Variants in WDR6 observed in about 807,000 individuals in gnomAD.
The protein encoded by WDR6 is WD repeat domain 6, also known as tRNA (34-2'-O)-methyltransferase regulator WDR6.
Under a neutral mutation model 85.6 loss-of-function variants are expected in WDR6, and 58 were observed. The ratio of observed to expected loss-of-function variants is 0.68; its 90% CI spans 0.55 to 0.84. The LOEUF is 0.84. WDR6 is among the 40% of genes least tolerant of loss of function. WDR6 has a pLI of 0.00. For missense variants in WDR6, 1,310 were observed against 1,476.4 expected (o/e 0.89, Z 1.85); for synonymous variants, 569 against 582.2 (o/e 0.98, Z 0.33).
rs141662298 is a variant in WDR6, at chr3:49,015,006, G to A, written c.3084G>A (p.Leu1028=). The stretch of plus-strand genomic sequence containing the variant: ...AAGAGGCTGTGGGAGAGGCTGGGCT[G>A]GTACCCCAGCTGCGTGTGCTAGAGG... ...QLEEAVGEAG[L]VPQLRVLEEY... is the part of the protein sequence containing the mutation. The change falls in exon 6 of 6, where the codon CTG becomes CTA. Residue 1028 remains leucine, a synonymous_variant. Coordinates refer to ENST00000608424, the MANE Select transcript of WDR6 (RefSeq NM_018031.6). 5.9e-5 allele frequency: 95 copies of A among 1,614,030 alleles called. No homozygotes were observed. Among genetic ancestry groups the A allele is most frequent in the Non-Finnish European group, 7.7e-5 (91 of 1,180,016 alleles).
In WDR6 at chr3:49,013,419, A is replaced by T; in HGVS notation, c.1885A>T (p.Ile629Phe). Residue 629 changes from isoleucine to phenylalanine, a missense_variant, in exon 2 of 6, where the codon ATC (isoleucine) becomes TTC (phenylalanine). By Grantham distance (21) the Ile-to-Phe change is conservative. Coordinates refer to ENST00000608424, the MANE Select transcript of WDR6 (RefSeq NM_018031.6). The surrounding 1 kb of genome is among the most constrained non-coding windows in gnomAD (Gnocchi z 4.6). ...LRIVPDGSMV[I>F]LGFHANEFVV... Reference sequence around the variant, plus strand: ...TATAGTGCCCGATGGGAGCATGGTTATCCTGGGTTTCCATGCCAATGAGTT... The same window carrying T: ...TATAGTGCCCGATGGGAGCATGGTTTTCCTGGGTTTCCATGCCAATGAGTT... 1 of 1,614,192 alleles carries T rather than the reference A, an allele frequency of 6.2e-7. No homozygotes were observed.
chr3:49,011,073 G>A (rs2093011644), intron 1 of WDR6: 1 of 443,058 alleles, frequency 2.3e-6, no homozygotes. Context: ...AAGTCCAGCT[G>A]AAGCTGAGAC....
chr3:49,014,433 C>A lies in WDR6; in HGVS notation c.2717C>A (p.Thr906Asn). The A allele has an allele frequency of 6.2e-7, 1 of 1,614,130 alleles. No individual in the cohort carries two copies. The highest frequency in any genetic ancestry group is 8.5e-7 in the Non-Finnish European group (1 of 1,180,016). The change falls in exon 4 of 6, where the codon ACC becomes AAC. Residue 906 changes from threonine to asparagine, a missense_variant. Transcript: ENST00000608424. This position sits in a 1 kb window ranked among gnomAD's most constrained non-coding sequence, Gnocchi z 4.9. Reference sequence around the variant, plus strand: ...CGGATTCTGCAGCTCCTTGCTGAAACCTTCCACCATAAGCGATGTGTCCTC... The same window carrying A: ...CGGATTCTGCAGCTCCTTGCTGAAAACTTCCACCATAAGCGATGTGTCCTC... ...SGRILQLLAE[T>N]FHHKRCVLKV... is the part of the protein sequence containing the mutation.
chr3:49,013,274 C>T lies in WDR6; in HGVS notation c.1740C>T (p.Gly580=), dbSNP rs2093028232. 1 of 1,614,082 alleles carries T rather than the reference C, an allele frequency of 6.2e-7. No individual in the cohort carries two copies. The highest frequency in any genetic ancestry group is 1.1e-5 in the South Asian group (1 of 91,082). Residue 580 remains glycine, a synonymous_variant, in exon 2 of 6, where the codon GGC becomes GGT. Transcript: ENST00000608424. The surrounding 1 kb of genome is among the most constrained non-coding windows in gnomAD (Gnocchi z 4.6). ...TGACCTCAGTCACATGCCATGGTGG[C>T]TATGTGTATACCACAGGGCGTGATG... ...QGVTSVTCHG[G]YVYTTGRDGA...
Position 49,012,707 on chromosome 3 carries a change from G to A in WDR6, c.1173G>A (p.Gln391=). 6.2e-7 allele frequency: 1 copy of A among 1,613,996 alleles called. No individual in the cohort carries two copies. Among genetic ancestry groups the A allele is most frequent in the South Asian group, 1.1e-5 (1 of 91,082 alleles). The stretch of plus-strand genomic sequence containing the variant: ...AGCTGCTAGAGGATAAACATTTCCA[G>A]TCCTACTGCCTGCTGGAGGCAGCTC... The part of the protein sequence containing the change: ...WEQLLEDKHF[Q]SYCLLEAAPG... The change falls in exon 2 of 6, where the codon CAG becomes CAA. Residue 391 remains glutamine (Q), a synonymous_variant. Coordinates refer to ENST00000608424, the MANE Select transcript of WDR6 (RefSeq NM_018031.6). The surrounding 1 kb of genome is among the most constrained non-coding windows in gnomAD (Gnocchi z 4.4).
At position 49,011,835 on chromosome 3, in the gene WDR6, C is replaced by G; in HGVS notation, c.301C>G (p.Gln101Glu). ...GLRVVKISWG[Q>E]GHFWELWRSG... is the part of the protein sequence containing the mutation. ...CCGAGTTGTGAAAATTAGCTGGGGA[C>G]AGGGCCACTTCTGGGAGCTTTGGCG... Residue 101 changes from glutamine to glutamate, a missense_variant, in exon 2 of 6, where the codon CAG becomes GAG. Gln to Glu is a conservative substitution (Grantham distance 29). Transcript: ENST00000608424. 6.2e-7 allele frequency: 1 copy of G among 1,614,222 alleles called. No homozygotes were observed. Among genetic ancestry groups the G allele is most frequent in the Non-Finnish European group, 8.5e-7 (1 of 1,180,044 alleles).
chr3:49,012,902 G>A lies in WDR6; in HGVS notation c.1368G>A (p.Ser456=), dbSNP rs141617532. The A allele has an allele frequency of 5.0e-5, 81 of 1,613,574 alleles. No homozygotes were observed. The highest frequency in any genetic ancestry group is 1.7e-4 in the African/African-American group (13 of 74,842). ...RGYEELLLLA[S]GPGGVVACLE... ...ATGAGGAGCTCCTGTTGCTGGCATC[G>A]GGCCCTGGCGGGGTAGTAGCTTGCC... Residue 456 remains serine, a synonymous_variant, in exon 2 of 6, where the codon TCG becomes TCA. Coordinates refer to ENST00000608424, the MANE Select transcript of WDR6 (RefSeq NM_018031.6). This position sits in a 1 kb window ranked among gnomAD's most constrained non-coding sequence, Gnocchi z 4.4.
rs769549624 is a variant in WDR6 at position 49,012,126 on chromosome 3, C to T, written c.592C>T (p.Pro198Ser). 2.5e-6 allele frequency: 4 copies of T among 1,614,162 alleles called. No homozygotes were observed. The East Asian group carries it at 6.7e-5, about 27-fold the overall frequency. ...YPATALADNK[P>S]VAPDRRISGH... is the part of the protein sequence containing the mutation. Reference sequence around the variant, plus strand: ...AGCAACTGCCTTAGCAGACAACAAACCTGTAGCACCTGACCGACGAATCAG... The same window carrying T: ...AGCAACTGCCTTAGCAGACAACAAATCTGTAGCACCTGACCGACGAATCAG... The change falls in exon 2 of 6, where the codon CCT (proline) becomes TCT (serine). Residue 198 changes from proline to serine, a missense_variant. Transcript: ENST00000608424. The surrounding 1 kb of genome is among the most constrained non-coding windows in gnomAD (Gnocchi z 4.4).
In WDR6 at chr3:49,015,863, A is replaced by G; in HGVS notation, c.*575A>G. On this transcript the variant is annotated 3_prime_UTR_variant, in exon 6 of 6. Transcript: ENST00000608424. ...AAATCCATGCTGAGCTGTACCAGGAACTTGCATATCTAGAGACAGAGACTG... is the reference window on the plus strand; with the variant it reads ...AAATCCATGCTGAGCTGTACCAGGAGCTTGCATATCTAGAGACAGAGACTG... 6.2e-7 allele frequency: 1 copy of G among 1,614,156 alleles called. No homozygotes were observed. Among genetic ancestry groups the G allele is most frequent in the Non-Finnish European group, 8.5e-7 (1 of 1,180,038 alleles).
Position 49,015,249 on chromosome 3 carries a change from T to C in WDR6, c.3327T>C (p.Leu1109=), listed in dbSNP as rs1412476671. 5.0e-6 allele frequency: 8 copies of C among 1,612,870 alleles called. No homozygotes were observed. The highest frequency in any genetic ancestry group is 1.7e-5 in the Admixed American group (1 of 60,004). Residue 1109 remains leucine, a synonymous_variant, in exon 6 of 6, where the codon CTT becomes CTC. Transcript: ENST00000608424. The stretch of plus-strand genomic sequence containing the variant: ...CTGAGTTTGGCCACCGTTGTGCCCT[T>C]GGGGGTCAGGGGCTTGAGGTTTACA... ...VSPEFGHRCA[L]GGQGLEVYNW...
In WDR6 at chr3:49,014,425, T is replaced by G. The variant is rs569325706; in HGVS notation, c.2709T>G (p.Leu903=). Residue 903 remains leucine (L), a synonymous_variant, in exon 4 of 6, where the codon CTT becomes CTG. Coordinates refer to ENST00000608424, the MANE Select transcript of WDR6 (RefSeq NM_018031.6). This position sits in a 1 kb window ranked among gnomAD's most constrained non-coding sequence, Gnocchi z 4.9. ...ATTCTGGGCGGATTCTGCAGCTCCT[T>G]GCTGAAACCTTCCACCATAAGCGAT... ...LQDSGRILQL[L]AETFHHKRCV... 63 of 1,614,140 alleles carry G rather than the reference T, an allele frequency of 3.9e-5. No homozygotes were observed. The African/African-American group carries it at 7.7e-4, about 20-fold the overall frequency.
At position 49,014,719 on chromosome 3, in the gene WDR6, G is replaced by A. The variant is rs1338312665; in HGVS notation, c.2902+1G>A. On this transcript the variant is annotated splice_donor_variant, in intron 5 of 5. Transcript: ENST00000608424. LOFTEE classifies it high-confidence loss of function. This position sits in a 1 kb window ranked among gnomAD's most constrained non-coding sequence, Gnocchi z 4.9. Reference sequence around the variant, plus strand: ...CCAGTGGATCCTGGGCTTCCCTACCGTGAGTAGCTAATGTGCAACCATGGC... The same window carrying A: ...CCAGTGGATCCTGGGCTTCCCTACCATGAGTAGCTAATGTGCAACCATGGC... 4 of 1,612,752 alleles carry A rather than the reference G, an allele frequency of 2.5e-6. No homozygotes were observed. Among genetic ancestry groups the A allele is most frequent in the Non-Finnish European group, 2.5e-6 (3 of 1,179,744 alleles).
chr3:49,008,693 G>C (rs969493706), intron 1 of WDR6, among the ~76,000 whole-genome samples: 2 of 152,150 alleles, frequency 1.3e-5, no homozygotes, highest in African/African-American at 2.4e-5. Context: ...GCGAGCAGAG[G>C]CCACATTGTT....
Position 49,014,056 on chromosome 3 carries a change from A to T in WDR6, c.2522A>T (p.Asp841Val). The part of the protein sequence containing the change: ...HVMHLSSHRL[D>V]EYWDRQRNRH... ...ATGCACCTTTCGTCCCACCGGCTAGATGAGTATTGGGACCGGCAACGCAAT... is the reference window on the plus strand; with the variant it reads ...ATGCACCTTTCGTCCCACCGGCTAGTTGAGTATTGGGACCGGCAACGCAAT... The change falls in exon 2 of 6, where the codon GAT (aspartate) becomes GTT (valine). Residue 841 changes from aspartate to valine, a missense_variant. Physicochemically the swap from Asp to Val is radical, Grantham distance 152 (BLOSUM62 -3). Transcript: ENST00000608424. This position sits in a 1 kb window ranked among gnomAD's most constrained non-coding sequence, Gnocchi z 4.9. The T allele has an allele frequency of 6.2e-7, 1 of 1,613,022 alleles. No individual in the cohort carries two copies. Among genetic ancestry groups the T allele is most frequent in the Non-Finnish European group, 8.5e-7 (1 of 1,180,006 alleles).
chr3:49,013,334 G>A lies in WDR6; in HGVS notation c.1800G>A (p.Gln600=). ...ACCAGCTGTTTGTACGAGACGGCCAGCTCCAGCCAGTCCTAAGGCAGAAGT... is the reference window on the plus strand; with the variant it reads ...ACCAGCTGTTTGTACGAGACGGCCAACTCCAGCCAGTCCTAAGGCAGAAGT... ...AYYQLFVRDG[Q]LQPVLRQKSC... The change falls in exon 2 of 6, where the codon CAG becomes CAA. Residue 600 remains glutamine (Q), a synonymous_variant. Transcript: ENST00000608424. The surrounding 1 kb of genome is among the most constrained non-coding windows in gnomAD (Gnocchi z 4.6). 1 of 1,614,184 alleles carries A rather than the reference G, an allele frequency of 6.2e-7. No individual in the cohort carries two copies. The highest frequency in any genetic ancestry group is 8.5e-7 in the Non-Finnish European group (1 of 1,180,018).
chr3:49,011,463 AG>A, intron 1 of WDR6, 171 bp from the exon 2 acceptor site: 1 of 1,584,754 alleles, frequency 6.3e-7, no homozygotes, highest in South Asian at 1.1e-5. Flanking sequence ...TACAGGCGTG[AG>A]CCACCGCACC....
In WDR6 at chr3:49,014,898, T is replaced by C. The variant is rs767393447; in HGVS notation, c.2976T>C (p.Arg992=). The C allele has an allele frequency of 5.6e-6, 9 of 1,613,844 alleles. No individual in the cohort carries two copies. In the African/African-American group the frequency reaches 1.1e-4, roughly 19 times the overall value. ...GINSLHTLPT[R]EGHHLVASGS... ...ACAGCCTGCACACCTTGCCCACCCG[T>C]GAGGGCCACCATCTCGTGGCCAGTG... Residue 992 remains arginine, a synonymous_variant, in exon 6 of 6, where the codon CGT becomes CGC. Transcript: ENST00000608424. The surrounding 1 kb of genome is among the most constrained non-coding windows in gnomAD (Gnocchi z 4.9).
Position 49,013,670 on chromosome 3 carries a change from C to CATTA in WDR6, c.2137_2140dup (p.Thr714AsnfsTer6). The stretch of plus-strand genomic sequence containing the variant: ...TCACTTGTGTAAAGCGTGTGGGCAC[C>CATTA]ATTACCCTGGGGCCTGAATATGGAG... On this transcript the variant is annotated frameshift_variant, in exon 2 of 6. Coordinates refer to ENST00000608424, the MANE Select transcript of WDR6 (RefSeq NM_018031.6). LOFTEE classifies it high-confidence loss of function. This position sits in a 1 kb window ranked among gnomAD's most constrained non-coding sequence, Gnocchi z 4.6. 2 of 1,614,086 alleles carry CATTA rather than the reference C, an allele frequency of 1.2e-6. No individual in the cohort carries two copies. The highest frequency in any genetic ancestry group is 1.7e-6 in the Non-Finnish European group (2 of 1,179,988).
chr3:49,011,464 G>T (rs745492421), intron 1 of WDR6, 171 bp from the exon 2 acceptor site: 1 of 1,588,550 alleles, frequency 6.3e-7, no homozygotes, highest in South Asian at 1.1e-5. Context: ...ACAGGCGTGA[G>T]CCACCGCACC....
Sources: allele counts gnomAD v4.1 joint callset (sites outside exome capture counted in the v4.1 genomes callset), GRCh38; gene constraint gnomAD v4.1.1; non-coding constraint Gnocchi (gnomAD v3.1); transcripts MANE v1.5; gene names NCBI Gene and HGNC (gene_info 2026-07-23, HGNC 2026-07-21).